Variants in DMKN observed in about 807,000 individuals in gnomAD.
DMKN encodes the protein dermokine.
In DMKN, 58 loss-of-function variants were observed where a neutral mutation model predicts 67.6. The ratio of observed to expected loss-of-function variants is 0.86; its 90% CI spans 0.69 to 1.07. The LOEUF (loss-of-function observed/expected upper bound fraction) is 1.07. Ranked by LOEUF, DMKN falls within the 50% of genes least tolerant of loss-of-function variation. The pLI is 0.00. For synonymous variants in DMKN, 240 were observed against 232.3 expected (o/e 1.03, Z -0.30); for missense variants, 596 against 601.5 (o/e 0.99, Z 0.10).
intron 10 of DMKN, 65 bp downstream of exon 10, chr19:35,502,765 G>C: frequency 6.4e-7 from 1 of 1,574,062 alleles, no homozygotes; most frequent in Admixed American, 1.7e-5. Flanking sequence ...GCTGCCTTGA[G>C]GGAGGCTTGG....
At chr19:35,498,661 T>G (rs1176190437) in intron 15 of DMKN, 55 bp downstream of exon 15, 5 of 1,610,734 alleles carry the variant, frequency 3.1e-6, no homozygotes, top group Non-Finnish European at 4.2e-6. Context: ...CTGCCCCGGG[T>G]GACTGTGCCT....
intron 7 of DMKN, chr19:35,506,280 C>G: frequency 7.8e-7 from 1 of 1,279,588 alleles, no homozygotes; most frequent in South Asian, 1.5e-5. Context: ...ATCCCCACCT[C>G]GGTCCAGGCT....
At chr19:35,508,059 A>G (rs1158721202) in intron 7 of DMKN, 2 of 1,054,290 alleles carry the variant, frequency 1.9e-6, no homozygotes, top group Admixed American at 4.7e-5. Flanking sequence ...GGCCAGACCC[A>G]TCAGTACTTC....
At chr19:35,508,356 G>A in intron 7 of DMKN, 1 of 1,269,126 alleles carries the variant, frequency 7.9e-7, no homozygotes, top group South Asian at 1.4e-5. Context: ...ACTCTCTTTT[G>A]GAACTGGTCC....
At chr19:35,507,739 C>T (rs925468308) in intron 7 of DMKN, 5 of 544,946 alleles carry the variant, frequency 9.2e-6, no homozygotes, top group Non-Finnish European at 1.3e-5. Context: ...TGCTCACTTA[C>T]GATGTCCATA....
intron 9 of DMKN, among the ~76,000 whole-genome samples, chr19:35,504,596 A>AAAAG (rs1386093229): frequency 0.02 from 2,963 of 147,838 alleles, 104 homozygotes; most frequent in African/African-American, 0.071. Context: ...AAAAAAAAAC[A>AAAAG]AAAGAAAGAA....
In DMKN at chr19:35,498,886, T is replaced by G; in HGVS notation, c.1371A>C (p.Ser457=). ...CCCCCATACTCACCGAGGAAGAAGG[T>G]GAGACTCCCCCCTGCAAAAAGATCA... ...SVKTPAKGGV[S]PSSSASRVQP... The change falls in exon 14 of 16, where the codon TCA becomes TCC. Residue 457 remains serine, a synonymous_variant. Transcript: ENST00000339686. 1 of 1,613,830 alleles carries G rather than the reference T, an allele frequency of 6.2e-7. No individual in the cohort carries two copies. The highest frequency in any genetic ancestry group is 8.5e-7 in the Non-Finnish European group (1 of 1,179,974).
chr19:35,507,206 G>A (rs1384289314), intron 7 of DMKN: 7 of 409,276 alleles, frequency 1.7e-5, no homozygotes, highest in Non-Finnish European at 3.1e-5. Flanking sequence ...CCATTCTTCT[G>A]TTACTTTTAT....
In DMKN at chr19:35,512,401, T is replaced by C; in HGVS notation, c.684+20A>G. 1 of 1,613,572 alleles carries C rather than the reference T, an allele frequency of 6.2e-7. No homozygotes were observed. Among genetic ancestry groups the C allele is most frequent in the Non-Finnish European group, 8.5e-7 (1 of 1,179,694 alleles). ...TGCACCCAGTGGCTTCTTCATTTGT[T>C]CCCAGCCCCTTCCTCTTACCCCTTC... On this transcript the variant is annotated intron_variant, in intron 3 of 15. Coordinates refer to ENST00000339686, the MANE Select transcript of DMKN (RefSeq NM_033317.5).
At chr19:35,498,928 G>C (rs2067907589) in intron 13 of DMKN, 31 bp from the exon 14 acceptor site, 2 of 1,614,026 alleles carry the variant, frequency 1.2e-6, no homozygotes, top group African/African-American at 2.7e-5. Flanking sequence ...AGTGATGTGG[G>C]GTCATGGCCT....
intron 7 of DMKN, among the ~76,000 whole-genome samples, chr19:35,508,939 G>A (rs893814487): frequency 1.1e-4 from 16 of 152,130 alleles, no homozygotes; most frequent in Admixed American, 7.2e-4. Context: ...AGAAAAGTCC[G>A]AGTGCAGTAG....
At chr19:35,502,674 C>T (rs2068621715) in intron 10 of DMKN, among the ~76,000 whole-genome samples, 156 bp downstream of exon 10, 1 of 151,644 alleles carries the variant, frequency 6.6e-6, no homozygotes, top group Non-Finnish European at 1.5e-5. Context: ...CACTGTACTT[C>T]AGCCTGGGTG....
chr19:35,497,943 TTC>T (rs58558280), intron 15 of DMKN: 5 of 151,382 alleles, frequency 3.3e-5, no homozygotes, highest in Non-Finnish European at 2.9e-5. Context: ...CTTTCCCTCT[TTC>T]TCTCTCTCTC....
chr19:35,511,402 C>A lies in DMKN; in HGVS notation c.918+9G>T. 1 of 1,607,966 alleles carries A rather than the reference C, an allele frequency of 6.2e-7. No individual in the cohort carries two copies. The highest frequency in any genetic ancestry group is 8.5e-7 in the Non-Finnish European group (1 of 1,179,790). On this transcript the variant is annotated intron_variant, in intron 5 of 15. Transcript: ENST00000339686. Reference sequence around the variant, plus strand: ...CCATCTCAGCCTTCCACAGAGGTGCCAAACTCACCCAGGAGGACTCACTGC... The same window carrying A: ...CCATCTCAGCCTTCCACAGAGGTGCAAAACTCACCCAGGAGGACTCACTGC...
chr19:35,511,401 C>G lies in DMKN; in HGVS notation c.918+10G>C, dbSNP rs1186584075. On this transcript the variant is annotated intron_variant, in intron 5 of 15. Coordinates refer to ENST00000339686, the MANE Select transcript of DMKN (RefSeq NM_033317.5). ...CCCATCTCAGCCTTCCACAGAGGTG[C>G]CAAACTCACCCAGGAGGACTCACTG... 5 of 1,607,926 alleles carry G rather than the reference C, an allele frequency of 3.1e-6. No individual in the cohort carries two copies. Among genetic ancestry groups the G allele is most frequent in the Non-Finnish European group, 4.2e-6 (5 of 1,179,810 alleles).
chr19:35,509,244 G>T (rs1218117898), intron 7 of DMKN, among the ~76,000 whole-genome samples: 1 of 149,446 alleles, frequency 6.7e-6, no homozygotes, highest in African/African-American at 2.5e-5. Flanking sequence ...ACACAAACTA[G>T]AAAGAGGGTT....
chr19:35,509,362 T>G (rs941682196), intron 7 of DMKN, among the ~76,000 whole-genome samples: 2 of 152,234 alleles, frequency 1.3e-5, no homozygotes, highest in East Asian at 3.9e-4. Context: ...CCCCAGCACC[T>G]CCGGTCTGGC....
intron 10 of DMKN, 70 bp from the exon 11 acceptor site, chr19:35,502,253 G>A: frequency 4.0e-6 from 6 of 1,504,736 alleles, no homozygotes; most frequent in South Asian, 3.4e-5. Context: ...CAGCAAATTG[G>A]GGGGATTCCA....
rs1189498085 is a variant in DMKN at position 35,512,289 on chromosome 19, C to T, written c.684+132G>A. On this transcript the variant is annotated intron_variant, in intron 3 of 15. Coordinates refer to ENST00000339686, the MANE Select transcript of DMKN (RefSeq NM_033317.5). ...CTGGGATTACAGGTGTGAGCCACCT[C>T]GCCCAGCCCCATCTCTTCCTCTCAC... 1.9e-5 allele frequency: 24 copies of T among 1,267,716 alleles called. 1 individual carries two copies. The Admixed American group carries it at 5.8e-4, about 31-fold the overall frequency. The allele number at this position is 1,267,716 out of a possible 1,614,324, so 78.5% of individuals were successfully genotyped here.
Sources: gnomAD v4.1 joint callset for allele counts (sites outside exome capture counted in the v4.1 genomes callset) on GRCh38, gnomAD v4.1.1 for gene constraint, MANE v1.5 for transcripts, NCBI Gene and HGNC (gene_info 2026-07-23, HGNC 2026-07-21) for gene names.